LRRC4C: variants seen among roughly 807,000 people sequenced by gnomAD.
The protein encoded by LRRC4C is leucine rich repeat containing 4C.
LRRC4C carries 5 observed loss-of-function variants against 33.6 expected under a neutral mutation model. The ratio of observed to expected loss-of-function variants is 0.15; its 90% confidence interval spans 0.08 to 0.31. LRRC4C has a LOEUF of 0.31. Among genes scored for constraint, LRRC4C ranks in the 10% least tolerant of loss-of-function variants. The probability of loss-of-function intolerance (pLI) is 1.00; values close to 1 mark genes in which losing one functional copy is unlikely to be tolerated. For synonymous variants in LRRC4C, 329 were observed against 302.0 expected (o/e 1.09, Z -0.93); for missense variants, 560 against 796.7 (o/e 0.70, Z 3.58).
chr11:40,118,540 CA>C (rs1484995967), intron 6 of LRRC4C, among the ~76,000 whole-genome samples: 3 of 152,116 alleles, frequency 2.0e-5, no homozygotes, highest in Admixed American at 2.0e-4. Flanking sequence ...GCCGGAAAAC[CA>C]AGGAGGTTTC....
At chr11:41,415,088 C>A (rs1274204073) in intron 1 of LRRC4C, among the ~76,000 whole-genome samples, 2 of 152,084 alleles carry the variant, frequency 1.3e-5, no homozygotes, top group Admixed American at 6.5e-5. Flanking sequence ...TACTCTCTAG[C>A]CTTGTTTTCA....
chr11:40,121,094 G>A (rs1397625859), intron 6 of LRRC4C, among the ~76,000 whole-genome samples: 1 of 152,030 alleles, frequency 6.6e-6, no homozygotes, highest in African/African-American at 2.4e-5. Context: ...TTTAAGACAG[G>A]AGCAGCAATA....
chr11:40,942,714 T>C (rs1008207456), intron 1 of LRRC4C, among the ~76,000 whole-genome samples: 19 of 151,812 alleles, frequency 1.3e-4, no homozygotes, highest in African/African-American at 4.1e-4. Flanking sequence ...ACAGAGACAG[T>C]GTGAGATCTG....
intron 1 of LRRC4C, among the ~76,000 whole-genome samples, chr11:41,170,047 T>A (rs991392651): frequency 6.6e-6 from 1 of 152,122 alleles, no homozygotes; most frequent in East Asian, 1.9e-4. Context: ...AAATATAATT[T>A]ACATGGGTGA....
chr11:40,554,206 C>T (rs1957240856), intron 3 of LRRC4C, among the ~76,000 whole-genome samples: 1 of 152,116 alleles, frequency 6.6e-6, no homozygotes, highest in African/African-American at 2.4e-5. Context: ...GGTCCTTTCA[C>T]CATGTTTATT....
At chr11:40,747,076 C>T (rs145547743) in intron 2 of LRRC4C, among the ~76,000 whole-genome samples, 30 of 152,232 alleles carry the variant, frequency 2.0e-4, no homozygotes, top group East Asian at 5.8e-4. Context: ...CTGATGCCAG[C>T]GTACACCATA....
chr11:40,341,994 T>C (rs749932415), intron 3 of LRRC4C, among the ~76,000 whole-genome samples: 15 of 111,354 alleles, frequency 1.3e-4, no homozygotes, highest in Admixed American at 3.0e-4. Flanking sequence ...ACTGGCACTT[T>C]TCTCAAAAAA....
At chr11:40,585,526 G>A (rs1305415342) in intron 3 of LRRC4C, among the ~76,000 whole-genome samples, 1 of 150,438 alleles carries the variant, frequency 6.6e-6, no homozygotes, top group Non-Finnish European at 1.5e-5. Context: ...CATTGTGCAG[G>A]TTAGTTACAT....
At chr11:40,823,494 G>C (rs1398566507) in intron 2 of LRRC4C, among the ~76,000 whole-genome samples, 1 of 151,604 alleles carries the variant, frequency 6.6e-6, no homozygotes, top group African/African-American at 2.4e-5. Flanking sequence ...TCATTCATTA[G>C]ATATACAATT....
At chr11:40,911,774 T>A (rs1035932754) in intron 2 of LRRC4C, among the ~76,000 whole-genome samples, 1 of 152,106 alleles carries the variant, frequency 6.6e-6, no homozygotes, top group African/African-American at 2.4e-5. Context: ...TTCGAACCCA[T>A]GGCAAAGAAG....
chr11:40,724,271 G>A (rs1268125661), intron 2 of LRRC4C, among the ~76,000 whole-genome samples: 1 of 152,048 alleles, frequency 6.6e-6, no homozygotes, highest in East Asian at 1.9e-4. Context: ...ATAGACATTG[G>A]CAGAATATTC....
chr11:40,264,173 C>T (rs7945001), intron 4 of LRRC4C, among the ~76,000 whole-genome samples: 78 of 152,268 alleles, frequency 5.1e-4, no homozygotes, highest in African/African-American at 1.8e-3. Context: ...AGTGCCAGAG[C>T]CAGTATTTGA....
chr11:40,819,082 C>T (rs1008674536), intron 2 of LRRC4C, among the ~76,000 whole-genome samples: 12 of 152,034 alleles, frequency 7.9e-5, no homozygotes, highest in African/African-American at 2.7e-4. Flanking sequence ...AAGGAGGTAT[C>T]CAATGATACG....
rs202024011 is a variant in LRRC4C at position 40,927,394 on chromosome 11, G to GA, written c.-407+6240dup. ...CAAAAAATAAAAAAATTAAAAAAAG[G>GA]AAAAAAAAAAGAATATTATCAAACA... On this transcript the variant is annotated intron_variant, in intron 2 of 6. Transcript: ENST00000528697. Among the ~76,000 whole-genome samples, 130 of 145,910 alleles carry GA rather than the reference G, an allele frequency of 8.9e-4. 1 individual carries two copies. Among genetic ancestry groups the GA allele is most frequent in the East Asian group, 5.0e-3 (25 of 5,028 alleles).
At chr11:40,365,222 T>C (rs765069469) in intron 3 of LRRC4C, among the ~76,000 whole-genome samples, 37 of 152,082 alleles carry the variant, frequency 2.4e-4, no homozygotes, top group Non-Finnish European at 2.8e-4. Flanking sequence ...TGATGTATCA[T>C]ATATACGATT....
At chr11:41,047,445 T>C (rs1857852906) in intron 1 of LRRC4C, among the ~76,000 whole-genome samples, 1 of 152,192 alleles carries the variant, frequency 6.6e-6, no homozygotes, top group East Asian at 1.9e-4. Context: ...TTGCTAGTTT[T>C]TTGGGTGCTG....
chr11:40,480,088 A>T (rs1953467022), intron 3 of LRRC4C, among the ~76,000 whole-genome samples: 1 of 152,158 alleles, frequency 6.6e-6, no homozygotes, highest in African/African-American at 2.4e-5. Flanking sequence ...CTGAAGTACC[A>T]TAAGGAAAGC....
At chr11:40,768,370 G>C (rs916144674) in intron 2 of LRRC4C, among the ~76,000 whole-genome samples, 2 of 152,002 alleles carry the variant, frequency 1.3e-5, no homozygotes, top group Non-Finnish European at 2.9e-5. Flanking sequence ...TTTCACTGAT[G>C]AATTTTACCA....
At chr11:41,039,929 CAGGAGATGGAG>C (rs1857326685) in intron 1 of LRRC4C, among the ~76,000 whole-genome samples, 1 of 151,800 alleles carries the variant, frequency 6.6e-6, no homozygotes, top group South Asian at 2.1e-4. Context: ...ATCACAAGGT[CAGGAGATGGAG>C]ACTATCCTGG....
Sources: allele counts gnomAD v4.1 joint callset (sites outside exome capture counted in the v4.1 genomes callset), GRCh38; gene constraint gnomAD v4.1.1; transcripts MANE v1.5; gene names NCBI Gene and HGNC (gene_info 2026-07-23, HGNC 2026-07-21).